MEP1B: variants seen among roughly 807,000 people sequenced by gnomAD.
MEP1B encodes the protein meprin A subunit beta.
In MEP1B, 80 loss-of-function variants were observed where a neutral mutation model predicts 84.6. The observed-to-expected ratio is 0.95, with a 90% CI of 0.79 to 1.14. The LOEUF is 1.14. Among genes scored for constraint, MEP1B ranks in the 50% most tolerant of loss-of-function variants. The pLI, the probability that MEP1B is intolerant of heterozygous loss-of-function variation, is 0.00. For missense variants in MEP1B, 766 were observed against 855.1 expected, an observed-to-expected ratio of 0.90 and a Z score of 1.30; for synonymous variants, 273 against 288.1, an observed-to-expected ratio of 0.95 and a Z score of 0.53.
chr18:32,197,790 G>A (rs1039589562), intron 5 of MEP1B, among the ~76,000 whole-genome samples: 3 of 152,140 alleles, frequency 2.0e-5, no homozygotes, highest in African/African-American at 4.8e-5. Context: ...TGTTACATGG[G>A]TGTGTTGCAT....
At chr18:32,191,649 G>A (rs1360857308) in intron 1 of MEP1B, among the ~76,000 whole-genome samples, 173 bp from the exon 2 acceptor site, 3 of 151,882 alleles carry the variant, frequency 2.0e-5, no homozygotes, top group African/African-American at 7.3e-5. Flanking sequence ...AGACCCTTTG[G>A]TCAAAAAGTC....
chr18:32,209,087 C>T (rs2040995596), intron 9 of MEP1B, among the ~76,000 whole-genome samples: 1 of 152,180 alleles, frequency 6.6e-6, no homozygotes, highest in Admixed American at 6.5e-5. Flanking sequence ...GGGAAAGGTT[C>T]CCTAATGTTG....
chr18:32,190,718 T>C (rs1414811998), intron 1 of MEP1B, among the ~76,000 whole-genome samples: 2 of 152,234 alleles, frequency 1.3e-5, no homozygotes, highest in African/African-American at 2.4e-5. Context: ...AACTAGAACA[T>C]TGCAAACAAG....
chr18:32,218,063 T>G, intron 14 of MEP1B, 98 bp downstream of exon 14: 1 of 1,033,260 alleles, frequency 9.7e-7, no homozygotes, highest in Non-Finnish European at 1.5e-6. Flanking sequence ...CTTGCCTTCT[T>G]CTCTCTGTTT....
chr18:32,198,122 G>A (rs1207286693), intron 5 of MEP1B, among the ~76,000 whole-genome samples: 1 of 152,144 alleles, frequency 6.6e-6, no homozygotes, highest in Non-Finnish European at 1.5e-5. Flanking sequence ...CACATTGGAG[G>A]GGCAGTAAAC....
chr18:32,196,270 CTG>C lies in MEP1B; in HGVS notation c.250+786_250+787del. 1 of 707,294 alleles carries C rather than the reference CTG, an allele frequency of 1.4e-6. No homozygotes were observed. The highest frequency in any genetic ancestry group is 1.5e-5 in the South Asian group (1 of 68,020). 43.8% of individuals were successfully genotyped at this position (707,294 alleles called of 1,614,324 possible). On this transcript the variant is annotated intron_variant, in intron 5 of 14. Coordinates refer to ENST00000269202, the MANE Select transcript of MEP1B (RefSeq NM_005925.3). The surrounding 1 kb of genome is among the most constrained non-coding windows in gnomAD (Gnocchi z 4.4). ...GAACTGCTCCAAGACGCTGGCCATG[CTG>C]GGGGCTGTGAAGTTGAGGGGCGGGA...
At chr18:32,192,899 A>G (rs1425977392) in intron 4 of MEP1B, 82 bp downstream of exon 4, 26 of 1,113,756 alleles carry the variant, frequency 2.3e-5, no homozygotes, top group Non-Finnish European at 3.4e-5. Context: ...ATTAGACAGC[A>G]TGAACTTTGT....
intron 14 of MEP1B, among the ~76,000 whole-genome samples, chr18:32,218,861 C>T (rs1350374381): frequency 6.6e-6 from 1 of 152,196 alleles, no homozygotes; most frequent in Non-Finnish European, 1.5e-5. Flanking sequence ...GCATAACAGC[C>T]TTCATTCAAA....
At chr18:32,190,479 T>C (rs2040791468) in intron 1 of MEP1B, among the ~76,000 whole-genome samples, 1 of 152,178 alleles carries the variant, frequency 6.6e-6, no homozygotes. Context: ...TGAATGAGTG[T>C]CACAGGCACC....
In MEP1B at chr18:32,192,792, T is replaced by A. The variant is rs1377497155; in HGVS notation, c.146T>A (p.Phe49Tyr). 6.2e-6 allele frequency: 10 copies of A among 1,613,088 alleles called. No individual in the cohort carries two copies. The highest frequency in any genetic ancestry group is 8.5e-6 in the Non-Finnish European group (10 of 1,179,448). ...DINEGLGLDL[F>Y]EGDIRLDRAQ... ...CTCTTAGGTTTGGGACTGGATCTTTTTGAGGGTGACATCAGACTTGATAGG... is the reference window on the plus strand; with the variant it reads ...CTCTTAGGTTTGGGACTGGATCTTTATGAGGGTGACATCAGACTTGATAGG... The change falls in exon 4 of 15, where the codon TTT becomes TAT. Residue 49 changes from phenylalanine (F) to tyrosine (Y), a missense_variant. Transcript: ENST00000269202.
chr18:32,192,545 G>T, intron 2 of MEP1B, 101 bp from the exon 3 acceptor site: 1 of 1,058,512 alleles, frequency 9.4e-7, no homozygotes. Context: ...GTCACCTGAG[G>T]CCAAAAGAAA....
rs563561159 is a variant in MEP1B at position 32,199,079 on chromosome 18, T to C, written c.250+3594T>C. Among the ~76,000 whole-genome samples, 7 of 152,198 alleles carry C rather than the reference T, an allele frequency of 4.6e-5. No homozygotes were observed. The South Asian group carries it at 1.2e-3, about 27-fold the overall frequency. On this transcript the variant is annotated intron_variant, in intron 5 of 14. Transcript: ENST00000269202. ...ATGGAGAATTTAACCTTGAGGAGCA[T>C]GAGACAGAGAAGCATGGTGGAAATT...
Position 32,190,100 on chromosome 18 carries a change from G to GT in MEP1B, c.32dup (p.Asp13GlyfsTer16). On this transcript the variant is annotated frameshift_variant, in exon 1 of 15. Coordinates refer to ENST00000269202, the MANE Select transcript of MEP1B (RefSeq NM_005925.3). LOFTEE classifies it high-confidence loss of function. ...ATTTATGGAATCTGTCTTGGTTTCT[G>GT]TTCTTGGATGCTCTTCTCGTGATTT... 6.2e-7 allele frequency: 1 copy of GT among 1,613,516 alleles called. No individual in the cohort carries two copies. The highest frequency in any genetic ancestry group is 2.2e-5 in the East Asian group (1 of 44,848).
At chr18:32,217,197 G>T (rs1263508749) in intron 13 of MEP1B, 80 bp downstream of exon 13, 1 of 1,456,306 alleles carries the variant, frequency 6.9e-7, no homozygotes, top group Non-Finnish European at 9.3e-7. Context: ...TTACTTAATA[G>T]TTCTTATGAA....
intron 10 of MEP1B, among the ~76,000 whole-genome samples, chr18:32,212,546 T>C (rs1169580317): frequency 6.6e-6 from 1 of 152,180 alleles, no homozygotes; most frequent in African/African-American, 2.4e-5. Context: ...AAGGAGGTGG[T>C]ACCAAATATC....
chr18:32,192,522 T>TCTGA lies in MEP1B; in HGVS notation c.83-123_83-120dup, dbSNP rs1410976767. ...AATCAATCAATCAATGTATGTTGAGTCTGAATCTAGTAGTCACCTGAGGCC... is the reference window on the plus strand; with the variant it reads ...AATCAATCAATCAATGTATGTTGAGTCTGACTGAATCTAGTAGTCACCTGAGGCC... On this transcript the variant is annotated intron_variant, in intron 2 of 14. Coordinates refer to ENST00000269202, the MANE Select transcript of MEP1B (RefSeq NM_005925.3). 15 of 809,198 alleles carry TCTGA rather than the reference T, an allele frequency of 1.9e-5. No homozygotes were observed. The East Asian group carries it at 2.9e-4, about 16-fold the overall frequency. The allele number at this position is 809,198 out of a possible 1,614,324, so 50.1% of individuals were successfully genotyped here.
intron 9 of MEP1B, among the ~76,000 whole-genome samples, chr18:32,209,371 C>T (rs1039751572): frequency 9.9e-5 from 15 of 151,904 alleles, no homozygotes; most frequent in Non-Finnish European, 1.0e-4. Context: ...TCTGTAGTCC[C>T]AGCTAGTTGG....
At chr18:32,199,178 G>C (rs2040884422) in intron 5 of MEP1B, among the ~76,000 whole-genome samples, 2 of 152,210 alleles carry the variant, frequency 1.3e-5, no homozygotes, top group Non-Finnish European at 2.9e-5. Flanking sequence ...CTTGGTATAT[G>C]ACCTGGTCAT....
In MEP1B at chr18:32,199,963, T is replaced by G. The variant is rs528051747; in HGVS notation, c.251-2930T>G. Among the ~76,000 whole-genome samples the G allele has an allele frequency of 2.0e-3, 311 of 152,254 alleles. 6 individuals carry two copies. Among genetic ancestry groups the G allele is most frequent in the African/African-American group, 7.0e-3 (292 of 41,558 alleles). On this transcript the variant is annotated intron_variant, in intron 5 of 14. Transcript: ENST00000269202. ...AGTTATATTTCTTTTTTTAAAAAAC[T>G]TATTCTCCTAAGTATGTTCCATGAA...
Sources: gnomAD v4.1 joint callset for allele counts (sites outside exome capture counted in the v4.1 genomes callset) on GRCh38, gnomAD v4.1.1 for gene constraint, Gnocchi (gnomAD v3.1) non-coding constraint, MANE v1.5 for transcripts, NCBI Gene and HGNC (gene_info 2026-07-23, HGNC 2026-07-21) for gene names.